The following ASRGL1 variants were observed in gnomAD, a reference collection of about 807,000 sequenced individuals.
The protein encoded by ASRGL1 is isoaspartyl peptidase/L-asparaginase.
A neutral mutation model predicts 22.4 loss-of-function variants in ASRGL1; 16 were observed. That is an observed-to-expected ratio of 0.71 (90% CI 0.48 to 1.08). The LOEUF is 1.08. Among genes scored for constraint, ASRGL1 ranks in the 50% least tolerant of loss-of-function variants. The pLI is 0.00. For missense variants in ASRGL1, 412 were observed against 410.1 expected, an observed-to-expected ratio of 1.00 and a Z score of -0.04; for synonymous variants, 165 against 159.3, an observed-to-expected ratio of 1.04 and a Z score of -0.27.
At chr11:62,358,055 A>G (rs369610111) in intron 4 of ASRGL1, among the ~76,000 whole-genome samples, 39 of 152,312 alleles carry the variant, frequency 2.6e-4, no homozygotes, top group African/African-American at 9.4e-4. Flanking sequence ...TGTGTTCCTC[A>G]GGTTCAGAGT....
chr11:62,381,846 G>T, intron 4 of ASRGL1: 2 of 152,776 alleles, frequency 1.3e-5, no homozygotes, highest in South Asian at 3.7e-4. Flanking sequence ...AGACGTACTC[G>T]GGAATCTCTC....
At chr11:62,374,381 CAGCTGG>C (rs2134664859) in intron 4 of ASRGL1, among the ~76,000 whole-genome samples, 1 of 152,306 alleles carries the variant, frequency 6.6e-6, no homozygotes, top group Non-Finnish European at 1.5e-5. Context: ...AGAGAGGCAA[CAGCTGG>C]GGCTGGGGCT....
intron 4 of ASRGL1, among the ~76,000 whole-genome samples, chr11:62,370,108 T>G (rs67149710): frequency 1.6e-5 from 2 of 124,188 alleles, no homozygotes; most frequent in Non-Finnish European, 3.5e-5. Flanking sequence ...AAAATTGAAT[T>G]TTTTGGCTCT....
intron 2 of ASRGL1, among the ~76,000 whole-genome samples, chr11:62,340,600 C>G (rs1269556900): frequency 6.6e-6 from 1 of 152,156 alleles, no homozygotes; most frequent in Non-Finnish European, 1.5e-5. Context: ...TTTTTTTGCT[C>G]TGTATCCAGA....
intron 4 of ASRGL1, among the ~76,000 whole-genome samples, chr11:62,374,259 G>C (rs1309457434): frequency 1.3e-5 from 2 of 152,148 alleles, no homozygotes; most frequent in African/African-American, 4.8e-5. Context: ...CGGATGCCGT[G>C]ACTGCCACCC....
intron 1 of ASRGL1, 106 bp downstream of exon 1, chr11:62,337,680 C>T: frequency 2.8e-6 from 1 of 355,688 alleles, no homozygotes; most frequent in South Asian, 9.0e-5. Context: ...CCTCCTTCGG[C>T]GCCGGGGCTT....
intron 2 of ASRGL1, among the ~76,000 whole-genome samples, chr11:62,353,750 A>G (rs764790138): frequency 1.3e-4 from 20 of 152,174 alleles, no homozygotes; most frequent in Non-Finnish European, 2.8e-4. Flanking sequence ...GGTTCTTCAT[A>G]TGATGAGTGA....
downstream of ASRGL1, among the ~76,000 whole-genome samples, chr11:62,394,779 G>A (rs1008984616): frequency 3.9e-5 from 6 of 152,110 alleles, no homozygotes; most frequent in Non-Finnish European, 7.3e-5. Flanking sequence ...GTATGGGGTC[G>A]TCAGCCCCTT....
At chr11:62,353,289 G>A (rs1358870613) in intron 2 of ASRGL1, among the ~76,000 whole-genome samples, 1 of 148,546 alleles carries the variant, frequency 6.7e-6, no homozygotes, top group East Asian at 2.0e-4. Flanking sequence ...TTTCTTTGCT[G>A]AAACTTTATA....
chr11:62,347,473 A>G (rs531148830), intron 2 of ASRGL1, among the ~76,000 whole-genome samples: 9 of 152,234 alleles, frequency 5.9e-5, no homozygotes, highest in Non-Finnish European at 1.0e-4. Context: ...GCCCCTAACC[A>G]TCAGTCATCT....
chr11:62,362,654 T>G (rs1286973039), intron 4 of ASRGL1, among the ~76,000 whole-genome samples: 3 of 90,886 alleles, frequency 3.3e-5, no homozygotes, highest in African/African-American at 1.4e-4. Context: ...ATAATATATA[T>G]TATATAAAAT....
chr11:62,392,567 T>TAAA lies in ASRGL1; in HGVS notation c.*283_*284insAAA. The TAAA allele has an allele frequency of 6.5e-5, 16 of 244,404 alleles. No individual in the cohort carries two copies. The highest frequency in any genetic ancestry group is 8.8e-5 in the Non-Finnish European group (12 of 136,806). 15.1% of individuals were successfully genotyped at this position (244,404 alleles called of 1,614,324 possible). Reference sequence around the variant, plus strand: ...CTGGGCAACAGAGCCAGGCCCTGTATCAAAAAAAAAAAAAAAAAGAAAAGG... The same window carrying TAAA: ...CTGGGCAACAGAGCCAGGCCCTGTATAAACAAAAAAAAAAAAAAAAAGAAAAGG... On this transcript the variant is annotated 3_prime_UTR_variant, in exon 7 of 7. Coordinates refer to ENST00000415229, the MANE Select transcript of ASRGL1 (RefSeq NM_001083926.2).
At chr11:62,380,169 T>G (rs1350804550) in intron 4 of ASRGL1, among the ~76,000 whole-genome samples, 1 of 152,174 alleles carries the variant, frequency 6.6e-6, no homozygotes, top group Non-Finnish European at 1.5e-5. Flanking sequence ...AATTCCATCA[T>G]AGGCTTTTAC....
At chr11:62,373,195 G>C in intron 4 of ASRGL1, 1 of 983,506 alleles carries the variant, frequency 1.0e-6, no homozygotes, top group South Asian at 1.3e-5. Context: ...AGACTCCTCC[G>C]ACTCCACACC....
At chr11:62,359,636 A>G (rs1292979757) in intron 4 of ASRGL1, among the ~76,000 whole-genome samples, 3 of 152,176 alleles carry the variant, frequency 2.0e-5, no homozygotes, top group African/African-American at 4.8e-5. Context: ...GCAGCCACTC[A>G]GTAGCCACAT....
chr11:62,357,393 G>A (rs2134609834), intron 4 of ASRGL1, among the ~76,000 whole-genome samples: 1 of 150,458 alleles, frequency 6.6e-6, no homozygotes. Flanking sequence ...GGGACTACAG[G>A]CACACACCAC....
Position 62,392,319 on chromosome 11 carries a change from G to C in ASRGL1, c.*35G>C, listed in dbSNP as rs1269120879. ...AGATTGTATTCCAGATGCTAGCTTA[G>C]AGGTCAAGTACAGTCTCCTCATGAG... On this transcript the variant is annotated 3_prime_UTR_variant, in exon 7 of 7. Transcript: ENST00000415229. 6.2e-7 allele frequency: 1 copy of C among 1,608,482 alleles called. No individual in the cohort carries two copies. The highest frequency in any genetic ancestry group is 1.3e-5 in the African/African-American group (1 of 74,774).
intron 4 of ASRGL1, among the ~76,000 whole-genome samples, chr11:62,362,264 G>A (rs964654562): frequency 7.3e-5 from 11 of 151,238 alleles, no homozygotes; most frequent in Non-Finnish European, 1.5e-4. Context: ...AGTCTCAGGT[G>A]CACGATGAGA....
At chr11:62,350,274 T>A (rs2134590478) in intron 2 of ASRGL1, among the ~76,000 whole-genome samples, 1 of 152,342 alleles carries the variant, frequency 6.6e-6, no homozygotes, top group South Asian at 2.1e-4. Flanking sequence ...ATCATTTATT[T>A]CTTTATTGCT....
Sources: allele counts gnomAD v4.1 joint callset (sites outside exome capture counted in the v4.1 genomes callset), GRCh38; gene constraint gnomAD v4.1.1; transcripts MANE v1.5; gene names NCBI Gene and HGNC (gene_info 2026-07-23, HGNC 2026-07-21).